ELOVL2: variants seen among roughly 807,000 people sequenced by gnomAD.
ELOVL2 encodes ELOVL fatty acid elongase 2, also known as very long chain fatty acid elongase 2.
Under a neutral mutation model 37.7 loss-of-function variants are expected in ELOVL2, and 38 were observed. That is an observed-to-expected ratio of 1.01 (90% CI 0.78 to 1.32). ELOVL2 has a LOEUF of 1.32. ELOVL2 is among the 40% of genes most tolerant of loss of function. The probability of loss-of-function intolerance (pLI) is 0.00; values close to 1 mark genes in which losing one functional copy is unlikely to be tolerated. For missense variants in ELOVL2, 352 were observed against 363.6 expected (o/e 0.97, Z 0.26); for synonymous variants, 115 against 122.3 (o/e 0.94, Z 0.40).
At chr6:11,009,974 G>A in intron 2 of ELOVL2, among the ~76,000 whole-genome samples, 1 of 151,410 alleles carries the variant, frequency 6.6e-6, no homozygotes, top group East Asian at 1.9e-4. Flanking sequence ...ATGGAGAGAT[G>A]TCTAAGCTCA....
Position 10,995,106 on chromosome 6 carries a change from G to A in ELOVL2, c.406C>T (p.Arg136Trp), listed in dbSNP as rs867506828. The A allele has an allele frequency of 2.1e-5, 34 of 1,612,218 alleles. No individual in the cohort carries two copies. Among genetic ancestry groups the A allele is most frequent in the Middle Eastern group, 1.7e-4 (1 of 6,052 alleles). Residue 136 changes from arginine to tryptophan, a missense_variant, in exon 5 of 8, where the codon CGG (arginine) becomes TGG (tryptophan). By Grantham distance (101) the Arg-to-Trp change is moderately radical (BLOSUM62 -3). Coordinates refer to ENST00000354666, the MANE Select transcript of ELOVL2 (RefSeq NM_017770.4). ...EFLDTIFFVL[R>W]KKTSQITFLH... ...AAAGTAATCTGACTCGTTTTTTTCC[G>A]CAAAACGAAGAAAATTGTGTCCAGG...
At chr6:11,013,140 C>T (rs936512912) in intron 1 of ELOVL2, among the ~76,000 whole-genome samples, 1 of 152,146 alleles carries the variant, frequency 6.6e-6, no homozygotes, top group African/African-American at 2.4e-5. Flanking sequence ...TTTTTATGGC[C>T]AGGGTCTCTA....
chr6:10,981,427 A>T lies in ELOVL2; in HGVS notation c.*2354T>A, dbSNP rs1027062263. On this transcript the variant is annotated 3_prime_UTR_variant, in exon 8 of 8. Transcript: ENST00000354666. ...TTTTTGTGGCTAAGATTTCATAACT[A>T]TTTTTTTAATTAGCCCTTGAATGGT... 1 of 152,576 alleles carries T rather than the reference A, an allele frequency of 6.6e-6. No individual in the cohort carries two copies. 9.5% of individuals were successfully genotyped at this position (152,576 alleles called of 1,614,324 possible). A position where few individuals can be genotyped will look rare whatever the true frequency, so the allele number is the denominator to read the frequency against.
chr6:11,002,650 G>T (rs955395821), intron 3 of ELOVL2, among the ~76,000 whole-genome samples: 1 of 152,184 alleles, frequency 6.6e-6, no homozygotes, highest in Admixed American at 6.5e-5. Context: ...GTGCAGATAC[G>T]TTCTTCCTAG....
At chr6:10,994,937 T>G (rs1046390501) in intron 5 of ELOVL2, 70 bp downstream of exon 5, 16 of 1,255,544 alleles carry the variant, frequency 1.3e-5, no homozygotes, top group African/African-American at 3.0e-5. Context: ...ATGCGATGCT[T>G]AATACAAGAC....
chr6:11,027,231 C>T (rs1782852963), intron 1 of ELOVL2, among the ~76,000 whole-genome samples: 1 of 152,184 alleles, frequency 6.6e-6, no homozygotes, highest in Non-Finnish European at 1.5e-5. Flanking sequence ...TAGAAATTCA[C>T]TTCCCATCAC....
rs1325704453 is a variant in ELOVL2, at chr6:10,981,442, C to T, written c.*2339G>A. On this transcript the variant is annotated 3_prime_UTR_variant, in exon 8 of 8. Coordinates refer to ENST00000354666, the MANE Select transcript of ELOVL2 (RefSeq NM_017770.4). The stretch of plus-strand genomic sequence containing the variant: ...TTTCATAACTATTTTTTTAATTAGC[C>T]CTTGAATGGTTTAAGGCTATAAGTG... 1.3e-5 allele frequency: 2 copies of T among 152,362 alleles called. No individual in the cohort carries two copies. The highest frequency in any genetic ancestry group is 4.8e-5 in the African/African-American group (2 of 41,448). The allele number at this position is 152,362 out of a possible 1,614,324, so 9.4% of individuals were successfully genotyped here.
chr6:11,000,955 T>C (rs1015888263), intron 3 of ELOVL2, among the ~76,000 whole-genome samples: 1 of 152,220 alleles, frequency 6.6e-6, no homozygotes, highest in African/African-American at 2.4e-5. Context: ...TTTTTATTCT[T>C]TGTTGAAAAT....
At chr6:11,036,200 A>G (rs1325517181) in intron 1 of ELOVL2, among the ~76,000 whole-genome samples, 1 of 152,252 alleles carries the variant, frequency 6.6e-6, no homozygotes, top group Non-Finnish European at 1.5e-5. Context: ...GTCATTTATG[A>G]GATAGTAAAC....
intron 2 of ELOVL2, among the ~76,000 whole-genome samples, chr6:11,008,815 T>C (rs1340375935): frequency 2.0e-5 from 3 of 152,238 alleles, no homozygotes. Context: ...TATCATTATA[T>C]TAAAACTATA....
chr6:10,983,740 A>G lies in ELOVL2; in HGVS notation c.*41T>C. 6.5e-7 allele frequency: 1 copy of G among 1,545,322 alleles called. No individual in the cohort carries two copies. Among genetic ancestry groups the G allele is most frequent in the Non-Finnish European group, 8.7e-7 (1 of 1,147,368 alleles). On this transcript the variant is annotated 3_prime_UTR_variant, in exon 8 of 8. Transcript: ENST00000354666. ...TCAGTCTTTGCTTTAAAACAAGCCA[A>G]TCTGTTAGGCTAGTATATGTGCTTT... is the stretch of plus-strand genomic sequence containing the variant.
At chr6:10,992,528 C>T (rs768939179) in intron 5 of ELOVL2, among the ~76,000 whole-genome samples, 8 of 152,192 alleles carry the variant, frequency 5.3e-5, no homozygotes, top group African/African-American at 1.4e-4. Flanking sequence ...TGGTGGCTCA[C>T]GCCTGTAATC....
intron 2 of ELOVL2, among the ~76,000 whole-genome samples, chr6:11,008,974 T>C (rs979749283): frequency 1.2e-4 from 18 of 152,214 alleles, no homozygotes; most frequent in African/African-American, 2.4e-4. Context: ...AGGAAATAAC[T>C]TGTAGAGAAC....
chr6:10,983,360 T>C lies in ELOVL2; in HGVS notation c.*421A>G, dbSNP rs1781976756. Reference sequence around the variant, plus strand: ...CACTGGCATTATTGCTTAATATAGATTAGAACATACCCTGTATTTAGAATA... The same window carrying C: ...CACTGGCATTATTGCTTAATATAGACTAGAACATACCCTGTATTTAGAATA... On this transcript the variant is annotated 3_prime_UTR_variant, in exon 8 of 8. Transcript: ENST00000354666. 6.5e-6 allele frequency: 1 copy of C among 153,720 alleles called. No homozygotes were observed. The highest frequency in any genetic ancestry group is 2.0e-4 in the South Asian group (1 of 4,934). The allele number at this position is 153,720 out of a possible 1,614,324, so 9.5% of individuals were successfully genotyped here. A position where few individuals can be genotyped will look rare whatever the true frequency, so the allele number is the denominator to read the frequency against.
At position 11,010,023 on chromosome 6, in the gene ELOVL2, CT is replaced by C. The variant is rs150370092; in HGVS notation, c.67+722del. On this transcript the variant is annotated intron_variant, in intron 2 of 7. Coordinates refer to ENST00000354666, the MANE Select transcript of ELOVL2 (RefSeq NM_017770.4). ...CCCCGGGCAGAGAAAGCGCACACAT[CT>C]TTTTTTTTTTTTTTTTTGAGACAGA... 9.1e-3 allele frequency among the ~76,000 whole-genome samples: 1,212 copies of C among 132,958 alleles called. 4 individuals carry two copies. The highest frequency in any genetic ancestry group is 0.012 in the Non-Finnish European group (735 of 61,972). 87.2% of individuals were successfully genotyped at this position (132,958 alleles called of 152,430 possible).
intron 1 of ELOVL2, among the ~76,000 whole-genome samples, chr6:11,014,200 T>C (rs1782632986): frequency 3.3e-5 from 5 of 152,174 alleles, no homozygotes; most frequent in Admixed American, 3.3e-4. Context: ...AGTAGTTTGG[T>C]AAAAACATAA....
chr6:10,994,483 A>AAAAG lies in ELOVL2; in HGVS notation c.505+523_505+524insCTTT, dbSNP rs1554111121. ...AATTCCATCTCAAAAAAAAAAAAAAAGAACAAATATGAATGAGTGCACTGG... is the reference window on the plus strand; with the variant it reads ...AATTCCATCTCAAAAAAAAAAAAAAAAAAGGAACAAATATGAATGAGTGCACTGG... On this transcript the variant is annotated intron_variant, in intron 5 of 7. Transcript: ENST00000354666. Among the ~76,000 whole-genome samples, 349 of 146,076 alleles carry AAAAG rather than the reference A, an allele frequency of 2.4e-3. 10 individuals carry two copies. Among genetic ancestry groups the AAAAG allele is most frequent in the African/African-American group, 7.3e-3 (287 of 39,532 alleles).
intron 1 of ELOVL2, among the ~76,000 whole-genome samples, chr6:11,023,597 T>C (rs983048540): frequency 6.6e-6 from 1 of 152,244 alleles, no homozygotes; most frequent in African/African-American, 2.4e-5. Flanking sequence ...GACTATTTTA[T>C]ATTTTCCTTC....
Position 10,983,808 on chromosome 6 carries a change from A to C in ELOVL2, c.864T>G (p.Asn288Lys). 1 of 1,611,786 alleles carries C rather than the reference A, an allele frequency of 6.2e-7. No individual in the cohort carries two copies. The highest frequency in any genetic ancestry group is 8.5e-7 in the Non-Finnish European group (1 of 1,179,368). Residue 288 changes from asparagine (N) to lysine (K), a missense_variant, in exon 8 of 8, where the codon AAT becomes AAG. Physicochemically the swap from Asn to Lys is moderately conservative, Grantham distance 94. Transcript: ENST00000354666. ...ATTGTGCTTTCTTGTTCATCACTCCATTTGCTGCAGTGAAGTAGGCTTTGG... is the reference window on the plus strand; with the variant it reads ...ATTGTGCTTTCTTGTTCATCACTCCCTTTGCTGCAGTGAAGTAGGCTTTGG... ...GFSKAYFTAANGVMNKKAQ is the reference protein window; with the variant it reads ...GFSKAYFTAAKGVMNKKAQ
Sources: allele counts gnomAD v4.1 joint callset (sites outside exome capture counted in the v4.1 genomes callset), GRCh38; gene constraint gnomAD v4.1.1; transcripts MANE v1.5; gene names NCBI Gene and HGNC (gene_info 2026-07-23, HGNC 2026-07-21).